The following TGFBR2 variants were observed in gnomAD, a reference collection of about 807,000 sequenced individuals.
The protein encoded by TGFBR2 is TGF-beta receptor type-2.
TGFBR2 carries 18 observed loss-of-function variants against 49.0 expected under a neutral mutation model. That is an observed-to-expected ratio of 0.37 (90% confidence interval 0.25 to 0.54). The LOEUF (loss-of-function observed/expected upper bound fraction) is 0.54. Among genes scored for constraint, TGFBR2 ranks in the 20% least tolerant of loss-of-function variants. TGFBR2 has a pLI of 0.85. For missense variants in TGFBR2, 525 were observed against 722.6 expected, an observed-to-expected ratio of 0.73 and a Z score of 3.13; for synonymous variants, 282 against 275.9, an observed-to-expected ratio of 1.02 and a Z score of -0.22.
At chr3:30,685,625 C>T (rs1699607614) in intron 5 of TGFBR2, among the ~76,000 whole-genome samples, 1 of 152,118 alleles carries the variant, frequency 6.6e-6, no homozygotes, top group Non-Finnish European at 1.5e-5. Flanking sequence ...CACCAAGAGC[C>T]AAGAGAATTG....
intron 1 of TGFBR2, among the ~76,000 whole-genome samples, chr3:30,629,425 A>G (rs140351709): frequency 7.4e-4 from 113 of 152,322 alleles, no homozygotes; most frequent in African/African-American, 2.5e-3. Flanking sequence ...TGACTTCAGA[A>G]CTGACTTCCT....
chr3:30,635,875 A>G (rs1199245965), intron 1 of TGFBR2, among the ~76,000 whole-genome samples: 2 of 152,188 alleles, frequency 1.3e-5, no homozygotes, highest in African/African-American at 4.8e-5. Flanking sequence ...TGAGGAAATC[A>G]CACACATAAA....
chr3:30,680,111 C>T lies in TGFBR2; in HGVS notation c.1396+5865C>T, dbSNP rs184744482. Reference sequence around the variant, plus strand: ...CTGCACTCTAGCCTGGGCGACAGAGCGAGACTCCATCCCCCCCGCCCCCCA... The same window carrying T: ...CTGCACTCTAGCCTGGGCGACAGAGTGAGACTCCATCCCCCCCGCCCCCCA... On this transcript the variant is annotated intron_variant, in intron 5 of 6. Transcript: ENST00000295754. 3.2e-3 allele frequency among the ~76,000 whole-genome samples: 490 copies of T among 151,886 alleles called. 1 individual carries two copies. Among genetic ancestry groups the T allele is most frequent in the Middle Eastern group, 0.027 (8 of 294 alleles).
intron 1 of TGFBR2, among the ~76,000 whole-genome samples, chr3:30,623,514 A>G (rs1200043139): frequency 1.3e-5 from 2 of 152,218 alleles, no homozygotes; most frequent in Non-Finnish European, 2.9e-5. Flanking sequence ...TTGTCCACCC[A>G]TCATAAGAGA....
At chr3:30,674,076 A>G (rs780939353) in intron 4 of TGFBR2, 29 bp from the exon 5 acceptor site, 1 of 1,614,138 alleles carries the variant, frequency 6.2e-7, no homozygotes, top group South Asian at 1.1e-5. Flanking sequence ...GAATTAAATG[A>G]TGGGCCTCAC....
In TGFBR2 at chr3:30,692,262, G is replaced by C. The variant is rs1194395744; in HGVS notation, c.*663G>C. On this transcript the variant is annotated 3_prime_UTR_variant, in exon 7 of 7. Coordinates refer to ENST00000295754, the MANE Select transcript of TGFBR2 (RefSeq NM_003242.6). ...GCACTGTTTGAGGACCAGTGTTCCC[G>C]GGGTTCCTGTGTGCCCTTATTTCTC... is the stretch of plus-strand genomic sequence containing the variant. 4.4e-6 allele frequency: 1 copy of C among 229,492 alleles called. No homozygotes were observed. The highest frequency in any genetic ancestry group is 8.7e-6 in the Non-Finnish European group (1 of 115,540). The allele number at this position is 229,492 out of a possible 1,614,324, so 14.2% of individuals were successfully genotyped here.
rs565016873 is a variant in TGFBR2 at position 30,644,642 on chromosome 3, C to G, written c.95-105C>G. 3.8e-5 allele frequency: 42 copies of G among 1,097,016 alleles called. No individual in the cohort carries two copies. In the South Asian group the frequency reaches 5.5e-4, roughly 14 times the overall value. 68.0% of individuals were successfully genotyped at this position (1,097,016 alleles called of 1,614,324 possible). On this transcript the variant is annotated intron_variant, in intron 1 of 6. Transcript: ENST00000295754. ...TATTTTGCCTTTCTTCAGATTCATT[C>G]TCATGACATCAAGTTCATTTGAAAT...
intron 2 of TGFBR2, among the ~76,000 whole-genome samples, chr3:30,645,156 G>A (rs1397382603): frequency 6.6e-6 from 1 of 152,052 alleles, no homozygotes; most frequent in Non-Finnish European, 1.5e-5. Flanking sequence ...CATGATAAAT[G>A]TAAAGATCAT....
chr3:30,678,546 TAAAAAA>T (rs1553630848), intron 5 of TGFBR2, among the ~76,000 whole-genome samples: 1 of 100,870 alleles, frequency 9.9e-6, no homozygotes, highest in Admixed American at 1.1e-4. Flanking sequence ...AGACTGCGTC[TAAAAAA>T]AAAAAAAAAA....
intron 1 of TGFBR2, among the ~76,000 whole-genome samples, chr3:30,644,065 G>A (rs1236600340): frequency 1.3e-5 from 2 of 152,190 alleles, no homozygotes; most frequent in East Asian, 3.9e-4. Context: ...GCTTGGGATT[G>A]TGTCTAGGAG....
intron 3 of TGFBR2, among the ~76,000 whole-genome samples, chr3:30,664,617 A>T (rs1699212178): frequency 6.6e-6 from 1 of 152,260 alleles, no homozygotes; most frequent in Non-Finnish European, 1.5e-5. Context: ...GGAGTGATTG[A>T]AAAGTAAACA....
At chr3:30,666,024 G>A (rs142234603) in intron 3 of TGFBR2, among the ~76,000 whole-genome samples, 15 of 152,248 alleles carry the variant, frequency 9.9e-5, no homozygotes, top group East Asian at 5.8e-4. Flanking sequence ...ATGCTGAGAC[G>A]TCTGCAACAA....
intron 1 of TGFBR2, among the ~76,000 whole-genome samples, chr3:30,626,006 T>C (rs1270688173): frequency 6.6e-6 from 1 of 152,210 alleles, no homozygotes; most frequent in African/African-American, 2.4e-5. Flanking sequence ...CCTGCGAACT[T>C]CTAAAAGAAT....
chr3:30,631,626 T>C (rs867777334), intron 1 of TGFBR2, among the ~76,000 whole-genome samples: 3,756 of 138,940 alleles, frequency 0.027, 148 homozygotes, highest in African/African-American at 0.11. Context: ...TCTTTCTTTT[T>C]TTTTTTTTTT....
chr3:30,685,950 T>C (rs1363016829), intron 5 of TGFBR2, among the ~76,000 whole-genome samples: 1 of 152,238 alleles, frequency 6.6e-6, no homozygotes, highest in African/African-American at 2.4e-5. Flanking sequence ...TATCCTTTAC[T>C]ATTATATGGT....
At chr3:30,649,910 G>T (rs1428955833) in intron 2 of TGFBR2, among the ~76,000 whole-genome samples, 2 of 152,126 alleles carry the variant, frequency 1.3e-5, no homozygotes, top group Non-Finnish European at 2.9e-5. Context: ...AAATTATCCT[G>T]AGTACCTAGG....
At chr3:30,660,553 G>A (rs1301773995) in intron 3 of TGFBR2, among the ~76,000 whole-genome samples, 2 of 152,028 alleles carry the variant, frequency 1.3e-5, no homozygotes, top group Non-Finnish European at 2.9e-5. Flanking sequence ...GGAAAGGGAC[G>A]GTAACAATTA....
intron 1 of TGFBR2, among the ~76,000 whole-genome samples, chr3:30,629,577 T>C (rs1698398323): frequency 6.6e-6 from 1 of 152,194 alleles, no homozygotes; most frequent in South Asian, 2.1e-4. Flanking sequence ...AAATATGCAT[T>C]AATTTTCTGC....
chr3:30,692,340 ACTCTCC>A lies in TGFBR2; in HGVS notation c.*745_*750del, dbSNP rs1699725558. 4.4e-6 allele frequency: 1 copy of A among 229,532 alleles called. No homozygotes were observed. The highest frequency in any genetic ancestry group is 6.1e-5 in the East Asian group (1 of 16,310). The allele number at this position is 229,532 out of a possible 1,614,324, so 14.2% of individuals were successfully genotyped here. The stretch of plus-strand genomic sequence containing the variant: ...CCAAATCTGGGGGGCTAGTTTAGAA[ACTCTCC>A]CTCAACCTAGTTTAGAAACTCTACC... On this transcript the variant is annotated 3_prime_UTR_variant, in exon 7 of 7. Coordinates refer to ENST00000295754, the MANE Select transcript of TGFBR2 (RefSeq NM_003242.6).
Sources: gnomAD v4.1 joint callset for allele counts (sites outside exome capture counted in the v4.1 genomes callset) on GRCh38, gnomAD v4.1.1 for gene constraint, MANE v1.5 for transcripts, NCBI Gene and HGNC (gene_info 2026-07-23, HGNC 2026-07-21) for gene names.